Variants in PCDH15 observed in about 807,000 individuals in gnomAD.
PCDH15 encodes the protein protocadherin-15.
PCDH15 carries 129 observed loss-of-function variants against 178.5 expected under a neutral mutation model. The observed-to-expected ratio is 0.72, with a 90% confidence interval of 0.63 to 0.84. The LOEUF (loss-of-function observed/expected upper bound fraction) is 0.84. PCDH15 is among the 40% of genes least tolerant of loss of function. PCDH15 has a pLI of 0.00. For synonymous variants in PCDH15, 800 were observed against 732.0 expected, an observed-to-expected ratio of 1.09 and a Z score of -1.50; for missense variants, 2,230 against 2,099.9, an observed-to-expected ratio of 1.06 and a Z score of -1.21.
At chr10:55,070,771 G>C (rs578222238) in intron 2 of PCDH15, among the ~76,000 whole-genome samples, 5 of 152,028 alleles carry the variant, frequency 3.3e-5, no homozygotes, top group Non-Finnish European at 5.9e-5. Flanking sequence ...CTCTTTTTTG[G>C]TTCCATATGA....
At chr10:54,813,325 G>A (rs1013769980) in intron 3 of PCDH15, among the ~76,000 whole-genome samples, 5 of 152,134 alleles carry the variant, frequency 3.3e-5, no homozygotes, top group South Asian at 4.1e-4. Flanking sequence ...GCAGATCTCC[G>A]TTCTCACATA....
At chr10:55,390,797 C>T (rs1565089798) in intron 2 of PCDH15, among the ~76,000 whole-genome samples, 1 of 152,160 alleles carries the variant, frequency 6.6e-6, no homozygotes, top group African/African-American at 2.4e-5. Flanking sequence ...GGTGCATTGT[C>T]AATGAGCAGT....
intron 26 of PCDH15, among the ~76,000 whole-genome samples, chr10:53,886,978 G>A (rs1052982337): frequency 2.0e-5 from 3 of 152,088 alleles, no homozygotes; most frequent in Non-Finnish European, 4.4e-5. Flanking sequence ...CTGTGCTTAC[G>A]TTTTTGAAGG....
chr10:53,872,037 G>A (rs1244716335), intron 26 of PCDH15, among the ~76,000 whole-genome samples: 3 of 152,028 alleles, frequency 2.0e-5, no homozygotes, highest in Non-Finnish European at 4.4e-5. Flanking sequence ...AAGCAATTTT[G>A]CAAAACCTCT....
intron 2 of PCDH15, among the ~76,000 whole-genome samples, chr10:55,060,366 G>T (rs1225305971): frequency 6.6e-6 from 1 of 152,020 alleles, no homozygotes; most frequent in African/African-American, 2.4e-5. Context: ...TTTGAAAACT[G>T]AAGGCCTACA....
chr10:54,549,941 T>C (rs1348753040), intron 2 of PCDH15, among the ~76,000 whole-genome samples: 1 of 152,088 alleles, frequency 6.6e-6, no homozygotes, highest in Non-Finnish European at 1.5e-5. Flanking sequence ...TTATAGCTAG[T>C]GTATTTTTGC....
chr10:54,586,299 A>G (rs551697993), intron 2 of PCDH15, among the ~76,000 whole-genome samples: 1 of 152,280 alleles, frequency 6.6e-6, no homozygotes, highest in East Asian at 1.9e-4. Context: ...ATTAAAATAG[A>G]TTCATTGAGT....
intron 2 of PCDH15, among the ~76,000 whole-genome samples, chr10:54,610,549 T>C (rs188858661): frequency 6.6e-6 from 1 of 152,062 alleles, no homozygotes; most frequent in African/African-American, 2.4e-5. Flanking sequence ...AAATGTGTAC[T>C]TGTCCTTCCG....
At chr10:54,039,762 G>A (rs2093499255) in intron 18 of PCDH15, among the ~76,000 whole-genome samples, 2 of 151,956 alleles carry the variant, frequency 1.3e-5, no homozygotes, top group African/African-American at 4.8e-5. Flanking sequence ...AGGTTCTCAA[G>A]GGAACATATG....
chr10:55,508,009 T>C (rs983361036), intron 2 of PCDH15, among the ~76,000 whole-genome samples: 2 of 151,750 alleles, frequency 1.3e-5, no homozygotes, highest in Non-Finnish European at 2.9e-5. Flanking sequence ...GTGATTTTGA[T>C]AATCAAACTG....
chr10:54,952,768 T>C (rs908893115), intron 2 of PCDH15, among the ~76,000 whole-genome samples: 1 of 151,692 alleles, frequency 6.6e-6, no homozygotes, highest in Non-Finnish European at 1.5e-5. Flanking sequence ...GTCAATAGCA[T>C]CATGTTTTTA....
At chr10:54,051,562 T>C (rs1391841303) in intron 18 of PCDH15, among the ~76,000 whole-genome samples, 1 of 152,172 alleles carries the variant, frequency 6.6e-6, no homozygotes, top group Admixed American at 6.6e-5. Flanking sequence ...AGAGAGATTA[T>C]TTAAGGTATC....
intron 8 of PCDH15, among the ~76,000 whole-genome samples, chr10:54,304,162 G>T (rs1481639878): frequency 6.6e-6 from 1 of 152,054 alleles, no homozygotes; most frequent in Admixed American, 6.6e-5. Flanking sequence ...AAAAGAGCCA[G>T]CTGTTTTGTA....
At chr10:54,004,563 G>A (rs974578088) in intron 20 of PCDH15, among the ~76,000 whole-genome samples, 1 of 151,876 alleles carries the variant, frequency 6.6e-6, no homozygotes, top group Non-Finnish European at 1.5e-5. Context: ...ATGTAAAACA[G>A]CTACAATTAA....
At chr10:54,196,403 A>G (rs1275516351) in intron 10 of PCDH15, among the ~76,000 whole-genome samples, 1 of 152,116 alleles carries the variant, frequency 6.6e-6, no homozygotes, top group Non-Finnish European at 1.5e-5. Context: ...CAGCCTCCCA[A>G]AGTGCTGGGA....
chr10:54,284,380 G>A (rs2058904418), intron 8 of PCDH15, among the ~76,000 whole-genome samples: 1 of 151,238 alleles, frequency 6.6e-6, no homozygotes, highest in South Asian at 2.1e-4. Flanking sequence ...GTCAGAACCT[G>A]TTATTTATAC....
At chr10:53,812,996 G>C (rs1352699413) in intron 35 of PCDH15, among the ~76,000 whole-genome samples, 1 of 152,084 alleles carries the variant, frequency 6.6e-6, no homozygotes, top group Non-Finnish European at 1.5e-5. Context: ...AGTTGTGCTT[G>C]GTGTGGCCAA....
chr10:55,493,905 T>A (rs1030610889), intron 2 of PCDH15, among the ~76,000 whole-genome samples: 5 of 151,888 alleles, frequency 3.3e-5, no homozygotes, highest in African/African-American at 1.2e-4. Context: ...TCCCTCCTTT[T>A]CTCAGCTAAT....
At chr10:54,335,463 T>A (rs1205181290) in intron 6 of PCDH15, among the ~76,000 whole-genome samples, 1 of 152,202 alleles carries the variant, frequency 6.6e-6, no homozygotes, top group Non-Finnish European at 1.5e-5. Context: ...CATCTTGAAT[T>A]GTAGCTTCCA....
Sources: gnomAD v4.1 joint callset for allele counts (sites outside exome capture counted in the v4.1 genomes callset) on GRCh38, gnomAD v4.1.1 for gene constraint, MANE v1.5 for transcripts, NCBI Gene and HGNC (gene_info 2026-07-23, HGNC 2026-07-21) for gene names.